CDHR2: variants seen among roughly 807,000 people sequenced by gnomAD.
CDHR2 encodes cadherin-related family member 2.
In CDHR2, 104 loss-of-function variants were observed where a neutral mutation model predicts 138.6. That is an observed-to-expected ratio of 0.75 (90% CI 0.64 to 0.88). The LOEUF (loss-of-function observed/expected upper bound fraction) is 0.88. Among genes scored for constraint, CDHR2 ranks in the 40% least tolerant of loss-of-function variants. The pLI, the probability that CDHR2 is intolerant of heterozygous loss-of-function variation, is 0.00. For missense variants in CDHR2, 1,624 were observed against 1,727.6 expected (o/e 0.94, Z 1.06); for synonymous variants, 755 against 742.8 (o/e 1.02, Z -0.27).
rs1757500725 is a variant in CDHR2 at position 176,543,306 on chromosome 5, CGCTCCCGCTGCAGCCCAG to C, written c.-16+542_-16+559del. ...CACCCCCACCCGGCGGCCGGCGCGT[CGCTCCCGCTGCAGCCCAG>C]GCTCGCGGTGCGGCTGCGGCCCGCG... is the stretch of plus-strand genomic sequence containing the variant. On this transcript the variant is annotated intron_variant, in intron 1 of 31. Transcript: ENST00000510636. This position sits in a 1 kb window ranked among gnomAD's most constrained non-coding sequence, Gnocchi z 4.0. Among the ~76,000 whole-genome samples the C allele has an allele frequency of 6.8e-6, 1 of 146,704 alleles. No homozygotes were observed. The highest frequency in any genetic ancestry group is 1.5e-5 in the Non-Finnish European group (1 of 65,946).
chr5:176,575,769 T>C lies in CDHR2; in HGVS notation c.890T>C (p.Ile297Thr). Residue 297 changes from isoleucine to threonine, a missense_variant, in exon 11 of 32, where the codon ATC (isoleucine) becomes ACC (threonine). Ile to Thr is a moderately conservative substitution (Grantham distance 89). Around this residue, in one of 3 missense-constraint regions of CDHR2, gnomAD observed 1,061 missense variants for 1,136.6 expected, o/e 0.93. Coordinates refer to ENST00000261944, the MANE Select transcript of CDHR2 (RefSeq NM_017675.6). ...GWFDIGADGV[I>T]RVNGSLDREQ... ...TTTGACATCGGGGCAGATGGGGTGA[T>C]CAGGGTCAACGGCTCCCTGGACCGT... 1 of 1,566,632 alleles carries C rather than the reference T, an allele frequency of 6.4e-7. No individual in the cohort carries two copies. Among genetic ancestry groups the C allele is most frequent in the South Asian group, 1.2e-5 (1 of 86,214 alleles).
chr5:176,590,199 AG>A, intron 25 of CDHR2, 53 bp downstream of exon 25: 1 of 1,564,672 alleles, frequency 6.4e-7, no homozygotes, highest in Non-Finnish European at 8.8e-7. Context: ...CGGTAGCAGG[AG>A]GGGCCTGCTG....
intron 1 of CDHR2, among the ~76,000 whole-genome samples, chr5:176,554,507 C>T (rs1157075012): frequency 6.6e-6 from 1 of 152,214 alleles, no homozygotes; most frequent in Non-Finnish European, 1.5e-5. Flanking sequence ...GGGGAGGGAA[C>T]GCTTAGAGAA....
chr5:176,557,369 C>G (rs896104227), intron 1 of CDHR2, among the ~76,000 whole-genome samples: 27 of 152,044 alleles, frequency 1.8e-4, no homozygotes, highest in African/African-American at 6.5e-4. Flanking sequence ...CTACGCTGGC[C>G]TAATTTCTGT....
chr5:176,579,187 C>T (rs1183771395), intron 16 of CDHR2, among the ~76,000 whole-genome samples: 2 of 152,210 alleles, frequency 1.3e-5, no homozygotes, highest in East Asian at 1.9e-4. Flanking sequence ...TCGGAAGCTT[C>T]GCCCCTGAGG....
rs558336697 is a variant in CDHR2, at chr5:176,573,850, A to G, written c.406-233A>G. ...CATCCTGGTTCTGAGGGGCTCCGAC[A>G]ATCAGAAGCCAGCTTAGGTGGTGGA... On this transcript the variant is annotated intron_variant, in intron 6 of 31. Transcript: ENST00000261944. Among the ~76,000 whole-genome samples the G allele has an allele frequency of 2.6e-5, 4 of 152,224 alleles. No homozygotes were observed. The East Asian group carries it at 7.7e-4, about 29-fold the overall frequency.
chr5:176,555,443 G>T (rs1412347807), intron 1 of CDHR2, among the ~76,000 whole-genome samples: 1 of 152,218 alleles, frequency 6.6e-6, no homozygotes, highest in Non-Finnish European at 1.5e-5. Flanking sequence ...TCTGCAAAAT[G>T]AGTTGCTGTG....
chr5:176,573,651 A>T (rs1220952278), intron 6 of CDHR2, among the ~76,000 whole-genome samples: 1 of 150,710 alleles, frequency 6.6e-6, no homozygotes, highest in African/African-American at 2.4e-5. Context: ...CATCTCAGGA[A>T]AAAAAAAAGG....
Position 176,574,090 on chromosome 5 carries a change from C to T in CDHR2, c.413C>T (p.Pro138Leu). ...AFSTSINETL[P>L]VGSVVFSVLA... ...ACGAGTCCCTCCCTGCAGACCCTGC[C>T]CGTGGGCAGTGTGGTGTTCTCCGTG... Residue 138 changes from proline to leucine, a missense_variant, in exon 7 of 32, where the codon CCC becomes CTC. Around this residue, in one of 3 missense-constraint regions of CDHR2, gnomAD observed 1,061 missense variants for 1,136.6 expected, o/e 0.93. Transcript: ENST00000261944. 1 of 1,613,734 alleles carries T rather than the reference C, an allele frequency of 6.2e-7. No homozygotes were observed.
rs1423573817 is a variant in CDHR2 at position 176,576,318 on chromosome 5, G to C, written c.1194+133G>C. 1 of 712,758 alleles carries C rather than the reference G, an allele frequency of 1.4e-6. No individual in the cohort carries two copies. Among genetic ancestry groups the C allele is most frequent in the Non-Finnish European group, 2.4e-6 (1 of 422,040 alleles). The allele number at this position is 712,758 out of a possible 1,614,324, so 44.2% of individuals were successfully genotyped here. A position where few individuals can be genotyped will look rare whatever the true frequency, so the allele number is the denominator to read the frequency against. Reference sequence around the variant, plus strand: ...GGGTGTGATGGCGGAGAATGGGGGTGCTGGGTGCTCTCTGGAAGCCTGTGT... The same window carrying C: ...GGGTGTGATGGCGGAGAATGGGGGTCCTGGGTGCTCTCTGGAAGCCTGTGT... On this transcript the variant is annotated intron_variant, in intron 12 of 31. Transcript: ENST00000261944. This position sits in a 1 kb window ranked among gnomAD's most constrained non-coding sequence, Gnocchi z 4.5.
chr5:176,568,678 G>C lies in CDHR2; in HGVS notation c.125G>C (p.Gly42Ala), dbSNP rs1353541727. Residue 42 changes from glycine to alanine, a missense_variant and splice_region_variant, in exon 4 of 32, where the codon GGT (glycine) becomes GCT (alanine). Transcript: ENST00000261944. ...TGGGTGGCCCCTGTCCCATCCCCAGGTGCCCAGGCCTTCTGGTTGGTAGCG... is the reference window on the plus strand; with the variant it reads ...TGGGTGGCCCCTGTCCCATCCCCAGCTGCCCAGGCCTTCTGGTTGGTAGCG... ...SVILPEDLPV[G>A]AQAFWLVAED... 1 of 1,614,022 alleles carries C rather than the reference G, an allele frequency of 6.2e-7. No individual in the cohort carries two copies. Among genetic ancestry groups the C allele is most frequent in the East Asian group, 2.2e-5 (1 of 44,890 alleles).
At chr5:176,548,161 A>G (rs531398582), upstream of CDHR2, among the ~76,000 whole-genome samples, 16 of 152,366 alleles carry the variant, frequency 1.1e-4, no homozygotes, top group Admixed American at 1.3e-4. Context: ...AAAGGGTGCC[A>G]TGAAAGATGA....
chr5:176,575,098 T>G lies in CDHR2; in HGVS notation c.510T>G (p.Thr170=), dbSNP rs753606008. 6.2e-7 allele frequency: 1 copy of G among 1,614,116 alleles called. No homozygotes were observed. The highest frequency in any genetic ancestry group is 1.1e-5 in the South Asian group (1 of 91,080). The change falls in exon 8 of 32, where the codon ACT becomes ACG. Residue 170 remains threonine (T), a synonymous_variant. Transcript: ENST00000261944. ...VYSIEKVIPS[T]GDSEHLFRIL... Reference sequence around the variant, plus strand: ...CTCTGCCCCAGGTCATCCCTAGCACTGGGGACAGCGAGCATCTCTTCCGGA... The same window carrying G: ...CTCTGCCCCAGGTCATCCCTAGCACGGGGGACAGCGAGCATCTCTTCCGGA...
At position 176,553,975 on chromosome 5, in the gene CDHR2, C is replaced by T. The variant is rs1233673946; in HGVS notation, c.-16+4561C>T. 1.3e-5 allele frequency among the ~76,000 whole-genome samples: 2 copies of T among 152,220 alleles called. No individual in the cohort carries two copies. The highest frequency in any genetic ancestry group is 6.5e-5 in the Admixed American group (1 of 15,278). ...TGTACCCACATCGCTGTCCCTGTCT[C>T]ACTGAGGACTGTGGCTCAGCACTGC... On this transcript the variant is annotated intron_variant, in intron 1 of 31. Coordinates refer to ENST00000261944, the MANE Select transcript of CDHR2 (RefSeq NM_017675.6). The surrounding 1 kb of genome is among the most constrained non-coding windows in gnomAD (Gnocchi z 4.3).
intron 1 of CDHR2, among the ~76,000 whole-genome samples, chr5:176,550,516 G>A (rs1757682276): frequency 6.6e-6 from 1 of 152,222 alleles, no homozygotes; most frequent in Non-Finnish European, 1.5e-5. Context: ...CCCTGGATTT[G>A]GAGGCAGCCT....
chr5:176,577,895 G>T (rs1758434240), intron 14 of CDHR2, 97 bp downstream of exon 14: 16 of 1,485,244 alleles, frequency 1.1e-5, no homozygotes, highest in Non-Finnish European at 1.5e-5. Context: ...TGAGATGGGG[G>T]TGGCCATGAG....
chr5:176,581,198 CTG>C, intron 16 of CDHR2, 143 bp from the exon 17 acceptor site: 11 of 1,060,082 alleles, frequency 1.0e-5, no homozygotes, highest in Non-Finnish European at 1.5e-5. Flanking sequence ...AGATGGGAAA[CTG>C]GGGCTGGGAG....
At chr5:176,569,529 G>A (rs1166463756) in intron 5 of CDHR2, among the ~76,000 whole-genome samples, 1 of 152,060 alleles carries the variant, frequency 6.6e-6, no homozygotes, top group Non-Finnish European at 1.5e-5. Context: ...TGATCCGCCC[G>A]CCTCGGCTTC....
At chr5:176,592,289 ATGGTGGTGATGG>A (rs1280281044) in intron 30 of CDHR2, among the ~76,000 whole-genome samples, 1 of 105,186 alleles carries the variant, frequency 9.5e-6, no homozygotes, top group Non-Finnish European at 1.9e-5. Context: ...GGTGATGGTG[ATGGTGGTGATGG>A]TGATGGTGGT....
Sources: gnomAD v4.1 joint callset for allele counts (sites outside exome capture counted in the v4.1 genomes callset) on GRCh38, gnomAD v4.1.1 for gene constraint, gnomAD v4.1.1 regional missense constraint, Gnocchi (gnomAD v3.1) non-coding constraint, MANE v1.5 for transcripts, NCBI Gene and HGNC (gene_info 2026-07-23, HGNC 2026-07-21) for gene names.